Variants in PLCE1 observed in about 807,000 individuals in gnomAD.
The protein encoded by PLCE1 is 1-phosphatidylinositol 4,5-bisphosphate phosphodiesterase epsilon-1.
A neutral mutation model predicts 242.8 loss-of-function variants in PLCE1; 119 were observed. The observed-to-expected ratio is 0.49, with a 90% CI of 0.42 to 0.57. The LOEUF is 0.57. PLCE1 is among the 20% of genes least tolerant of loss of function. The pLI, the probability that PLCE1 is intolerant of heterozygous loss-of-function variation, is 0.00. For missense variants in PLCE1, 2,441 were observed against 2,788.8 expected, an observed-to-expected ratio of 0.88 and a Z score of 2.81; for synonymous variants, 945 against 1,017.4, an observed-to-expected ratio of 0.93 and a Z score of 1.35.
chr10:94,047,008 C>G (rs1308745233), intron 2 of PLCE1, among the ~76,000 whole-genome samples: 1 of 151,880 alleles, frequency 6.6e-6, no homozygotes, highest in East Asian at 1.9e-4. Context: ...TATAAATAAC[C>G]TTTTTAAAAT....
intron 1 of PLCE1, among the ~76,000 whole-genome samples, chr10:94,018,755 T>G (rs2061325809): frequency 6.6e-6 from 1 of 152,234 alleles, no homozygotes; most frequent in African/African-American, 2.4e-5. Flanking sequence ...AGGGAGGGAT[T>G]CTGTCTTTCT....
At chr10:94,075,331 A>C (rs1041343861) in intron 2 of PLCE1, among the ~76,000 whole-genome samples, 1 of 152,224 alleles carries the variant, frequency 6.6e-6, no homozygotes, top group Non-Finnish European at 1.5e-5. Flanking sequence ...CATCCTTTCC[A>C]AATGATTGAC....
intron 28 of PLCE1, 51 bp downstream of exon 28, chr10:94,313,433 A>G: frequency 6.2e-7 from 1 of 1,607,216 alleles, no homozygotes; most frequent in Non-Finnish European, 8.5e-7. Flanking sequence ...AGATGTATGG[A>G]TGTATGTGTG....
chr10:93,994,197 C>G lies in PLCE1; in HGVS notation c.-426C>G, dbSNP rs937004178. The stretch of plus-strand genomic sequence containing the variant: ...ACGCCGCTAGCGACAGGCGCGCGGA[C>G]GGCTGGTCCCAGAGGGACGCTGCGC... On this transcript the variant is annotated 5_prime_UTR_variant, in exon 1 of 33. Transcript: ENST00000371380. Among the ~76,000 whole-genome samples, 13 of 152,172 alleles carry G rather than the reference C, an allele frequency of 8.5e-5. No individual in the cohort carries two copies. Among genetic ancestry groups the G allele is most frequent in the African/African-American group, 3.1e-4 (13 of 41,546 alleles).
At chr10:94,280,026 T>C (rs1589464865) in intron 20 of PLCE1, 115 bp downstream of exon 20, 1 of 1,088,530 alleles carries the variant, frequency 9.2e-7, no homozygotes. Context: ...ATGGTTGTAA[T>C]ATTGTCCAGG....
intron 1 of PLCE1, among the ~76,000 whole-genome samples, chr10:94,026,517 TATC>T (rs747659751): frequency 6.6e-5 from 10 of 152,152 alleles, no homozygotes; most frequent in Non-Finnish European, 1.5e-5. Flanking sequence ...TGCTTTAGGT[TATC>T]TTTAGCCAAC....
intron 4 of PLCE1, among the ~76,000 whole-genome samples, chr10:94,197,837 G>T (rs2048867973): frequency 6.6e-6 from 1 of 151,914 alleles, no homozygotes; most frequent in Non-Finnish European, 1.5e-5. Flanking sequence ...ACAAAAATTA[G>T]CTGGGCATGG....
intron 4 of PLCE1, among the ~76,000 whole-genome samples, chr10:94,208,639 A>C (rs144327324): frequency 3.4e-4 from 52 of 152,318 alleles, no homozygotes; most frequent in South Asian, 6.2e-4. Flanking sequence ...TCCCAAACAC[A>C]AGGCTTTATT....
intron 2 of PLCE1, among the ~76,000 whole-genome samples, chr10:94,048,894 G>C (rs969217069): frequency 6.6e-6 from 1 of 151,046 alleles, no homozygotes; most frequent in African/African-American, 2.4e-5. Context: ...TCAGCCTCCC[G>C]AGTAGCTGGG....
chr10:94,076,799 T>C (rs908454366), intron 2 of PLCE1, among the ~76,000 whole-genome samples: 10 of 152,134 alleles, frequency 6.6e-5, no homozygotes, highest in Non-Finnish European at 1.5e-4. Flanking sequence ...GACACCCACC[T>C]TGAGGGGGGC....
chr10:94,308,881 C>G (rs931995227), intron 27 of PLCE1, among the ~76,000 whole-genome samples, 182 bp downstream of exon 27: 6 of 152,158 alleles, frequency 3.9e-5, no homozygotes, highest in African/African-American at 1.4e-4. Context: ...ACTCAGTCCT[C>G]TCAATAACGT....
intron 2 of PLCE1, among the ~76,000 whole-genome samples, chr10:94,121,358 A>G (rs1292395670): frequency 6.6e-6 from 1 of 152,196 alleles, no homozygotes; most frequent in East Asian, 1.9e-4. Context: ...GAACAGAAGC[A>G]AACTATCCCT....
chr10:94,267,608 G>A (rs890793583), intron 16 of PLCE1, among the ~76,000 whole-genome samples: 4 of 152,086 alleles, frequency 2.6e-5, no homozygotes, highest in African/African-American at 9.7e-5. Context: ...GATATCTAAG[G>A]TTACACAGAC....
At chr10:94,024,884 C>G (rs1259509818) in intron 1 of PLCE1, among the ~76,000 whole-genome samples, 5 of 152,102 alleles carry the variant, frequency 3.3e-5, no homozygotes, top group Non-Finnish European at 5.9e-5. Flanking sequence ...TTCAAGCATT[C>G]TGAGCCTTAT....
At chr10:94,146,330 A>C (rs2047109731) in intron 3 of PLCE1, among the ~76,000 whole-genome samples, 1 of 152,140 alleles carries the variant, frequency 6.6e-6, no homozygotes, top group South Asian at 2.1e-4. Flanking sequence ...TCACCGGGAG[A>C]AAAATGAAAT....
chr10:94,053,104 C>T (rs1255799880), intron 2 of PLCE1, among the ~76,000 whole-genome samples: 1 of 152,180 alleles, frequency 6.6e-6, no homozygotes, highest in Admixed American at 6.5e-5. Flanking sequence ...ATGTGTTATA[C>T]AGGCAGCCTA....
At chr10:94,217,060 A>T (rs985427689) in intron 4 of PLCE1, among the ~76,000 whole-genome samples, 1 of 150,742 alleles carries the variant, frequency 6.6e-6, no homozygotes, top group African/African-American at 2.4e-5. Context: ...TAAAAGAGAA[A>T]ATGGAAGGCA....
At chr10:94,126,169 T>C (rs1173583932) in intron 2 of PLCE1, among the ~76,000 whole-genome samples, 2 of 152,230 alleles carry the variant, frequency 1.3e-5, no homozygotes, top group Non-Finnish European at 2.9e-5. Context: ...GTCATTTTAC[T>C]GTGTCAAATC....
At chr10:94,102,586 G>A (rs748611701) in intron 2 of PLCE1, among the ~76,000 whole-genome samples, 21 of 152,210 alleles carry the variant, frequency 1.4e-4, no homozygotes, top group African/African-American at 1.9e-4. Context: ...CATGTCACAC[G>A]TGAAGACAAT....
Sources: gnomAD v4.1 joint callset for allele counts (sites outside exome capture counted in the v4.1 genomes callset) on GRCh38, gnomAD v4.1.1 for gene constraint, MANE v1.5 for transcripts, NCBI Gene and HGNC (gene_info 2026-07-23, HGNC 2026-07-21) for gene names.